Variants in PTPRO observed in about 807,000 individuals in gnomAD.
The protein encoded by PTPRO is receptor-type tyrosine-protein phosphatase O.
A neutral mutation model predicts 145.2 loss-of-function variants in PTPRO; 62 were observed. The observed-to-expected ratio is 0.43, with a 90% confidence interval of 0.35 to 0.53. The LOEUF (loss-of-function observed/expected upper bound fraction) is 0.53. Ranked by LOEUF, PTPRO falls within the 20% of genes least tolerant of loss-of-function variation. The pLI, the probability that PTPRO is intolerant of heterozygous loss-of-function variation, is 0.01. For missense variants in PTPRO, 1,345 were observed against 1,482.7 expected (o/e 0.91, Z 1.53); for synonymous variants, 565 against 514.7 (o/e 1.10, Z -1.32).
At chr12:15,583,343 G>A (rs1252962305) in intron 23 of PTPRO, among the ~76,000 whole-genome samples, 1 of 152,032 alleles carries the variant, frequency 6.6e-6, no homozygotes, top group African/African-American at 2.4e-5. Context: ...AGCTGGTGTA[G>A]TGGTACACAC....
intron 1 of PTPRO, among the ~76,000 whole-genome samples, chr12:15,413,016 C>A (rs551436381): frequency 6.6e-6 from 1 of 152,260 alleles, no homozygotes; most frequent in South Asian, 2.1e-4. Flanking sequence ...TGGTCTCGAC[C>A]TCCTGACCTG....
intron 14 of PTPRO, 73 bp downstream of exon 14, chr12:15,549,299 A>T (rs934431689): frequency 2.5e-6 from 3 of 1,193,710 alleles, no homozygotes; most frequent in African/African-American, 3.4e-5. Context: ...TTGTATCAAT[A>T]TTCCACCAAG....
At chr12:15,560,143 A>C (rs1488915623) in intron 16 of PTPRO, 50 bp from the exon 17 acceptor site, 1 of 1,360,484 alleles carries the variant, frequency 7.4e-7, no homozygotes, top group African/African-American at 1.4e-5. Context: ...TATATTACTA[A>C]CTCTTGCAAC....
At chr12:15,426,430 A>G (rs1940288280) in intron 1 of PTPRO, among the ~76,000 whole-genome samples, 1 of 152,014 alleles carries the variant, frequency 6.6e-6, no homozygotes, top group South Asian at 2.1e-4. Context: ...ATGTACTTAT[A>G]ATGAAAACTA....
intron 1 of PTPRO, among the ~76,000 whole-genome samples, chr12:15,323,897 A>G (rs565814433): frequency 1.1e-4 from 17 of 152,344 alleles, no homozygotes; most frequent in African/African-American, 4.1e-4. Flanking sequence ...GAACAGCATT[A>G]CTTTTAAATA....
Position 15,322,760 on chromosome 12 carries a change from C to T in PTPRO, c.34C>T (p.Arg12Cys), listed in dbSNP as rs758090360. The change falls in exon 1 of 27, where the codon CGC becomes TGC. Residue 12 changes from arginine to cysteine, a missense_variant. This residue lies in a region of PTPRO where 1,130 missense variants were observed against 1,214.7 expected (regional missense o/e 0.93). Coordinates refer to ENST00000281171, the MANE Select transcript of PTPRO (RefSeq NM_030667.3). The surrounding 1 kb of genome is among the most constrained non-coding windows in gnomAD (Gnocchi z 6.3). The stretch of plus-strand genomic sequence containing the variant: ...CCTGCCCACGGGGATACACGGCGCC[C>T]GCCGCCTCCTGCCTCTGCTCTGGCT... ...GHLPTGIHGARRLLPLLWLFV... is the reference protein window; with the variant it reads ...GHLPTGIHGACRLLPLLWLFV... 3 of 1,612,664 alleles carry T rather than the reference C, an allele frequency of 1.9e-6. No individual in the cohort carries two copies. The highest frequency in any genetic ancestry group is 2.2e-5 in the East Asian group (1 of 44,836).
intron 20 of PTPRO, among the ~76,000 whole-genome samples, 179 bp downstream of exon 20, chr12:15,579,122 G>A (rs1179628479): frequency 1.3e-5 from 2 of 152,168 alleles, no homozygotes; most frequent in African/African-American, 4.8e-5. Context: ...AGCATATGGA[G>A]GAAGATTTAA....
intron 1 of PTPRO, among the ~76,000 whole-genome samples, chr12:15,408,236 A>G (rs1224523985): frequency 2.6e-5 from 4 of 152,124 alleles, no homozygotes; most frequent in African/African-American, 9.7e-5. Context: ...CCACATTGGA[A>G]AAAGAAAGAT....
intron 1 of PTPRO, among the ~76,000 whole-genome samples, chr12:15,452,816 A>G (rs1941080063): frequency 6.6e-6 from 1 of 152,132 alleles, no homozygotes; most frequent in African/African-American, 2.4e-5. Context: ...TACTTTTTCT[A>G]GCTCTAAATC....
In PTPRO at chr12:15,499,426, G is replaced by A; in HGVS notation, c.509-16G>A. 6.2e-7 allele frequency: 1 copy of A among 1,609,922 alleles called. No homozygotes were observed. On this transcript the variant is annotated splice_polypyrimidine_tract_variant and intron_variant, in intron 3 of 26. Coordinates refer to ENST00000281171, the MANE Select transcript of PTPRO (RefSeq NM_030667.3). ...AGAAGACCATATTTTTCATGTAATT[G>A]ATTTTCTCTTCACAGATTTCTTTAA... is the stretch of plus-strand genomic sequence containing the variant.
rs1386250964 is a variant in PTPRO, at chr12:15,392,043, C to A, written c.75+69242C>A. Reference sequence around the variant, plus strand: ...GGCCTCTAGTAACCATTCAATTATTCTGGTTCTAAATGATGAGATATAGAC... The same window carrying A: ...GGCCTCTAGTAACCATTCAATTATTATGGTTCTAAATGATGAGATATAGAC... On this transcript the variant is annotated intron_variant, in intron 1 of 26. Transcript: ENST00000281171. Among the ~76,000 whole-genome samples, 4 of 152,208 alleles carry A rather than the reference C, an allele frequency of 2.6e-5. No homozygotes were observed. In the East Asian group the frequency reaches 7.7e-4, roughly 29 times the overall value.
chr12:15,534,516 G>A (rs954637663), intron 12 of PTPRO, among the ~76,000 whole-genome samples: 1 of 152,148 alleles, frequency 6.6e-6, no homozygotes, highest in African/African-American at 2.4e-5. Flanking sequence ...TAGTGAAGGG[G>A]AAGATGGTAA....
chr12:15,366,893 T>G (rs1432314808), intron 1 of PTPRO, among the ~76,000 whole-genome samples: 1 of 152,102 alleles, frequency 6.6e-6, no homozygotes, highest in African/African-American at 2.4e-5. Flanking sequence ...AATTAACTAT[T>G]TATTTCAAGT....
intron 25 of PTPRO, among the ~76,000 whole-genome samples, chr12:15,592,418 A>G (rs975273254): frequency 1.3e-5 from 2 of 152,158 alleles, no homozygotes; most frequent in African/African-American, 4.8e-5. Context: ...CATCACTGGT[A>G]TCTAATTTTC....
chr12:15,487,673 C>A (rs1941918311), intron 2 of PTPRO, among the ~76,000 whole-genome samples: 1 of 152,086 alleles, frequency 6.6e-6, no homozygotes, highest in African/African-American at 2.4e-5. Flanking sequence ...AAGGGGAAAG[C>A]TAGAGAGAGA....
intron 1 of PTPRO, among the ~76,000 whole-genome samples, chr12:15,454,816 A>G (rs1474653345): frequency 1.3e-5 from 2 of 152,192 alleles, no homozygotes; most frequent in African/African-American, 4.8e-5. Context: ...AGTTATCTCA[A>G]CACCATTGGT....
At chr12:15,506,201 C>G (rs1942317828) in intron 6 of PTPRO, among the ~76,000 whole-genome samples, 1 of 152,196 alleles carries the variant, frequency 6.6e-6, no homozygotes, top group South Asian at 2.1e-4. Flanking sequence ...CACTAGTACT[C>G]TTCAGAACAG....
intron 23 of PTPRO, among the ~76,000 whole-genome samples, chr12:15,583,042 G>A (rs1315923560): frequency 6.6e-6 from 1 of 152,188 alleles, no homozygotes; most frequent in Non-Finnish European, 1.5e-5. Context: ...GAATAGGAAA[G>A]TTCTCACTGA....
At chr12:15,339,670 T>A (rs1472214507) in intron 1 of PTPRO, among the ~76,000 whole-genome samples, 3 of 152,100 alleles carry the variant, frequency 2.0e-5, no homozygotes, top group Non-Finnish European at 4.4e-5. Context: ...CTCTTAGAGA[T>A]AAATGAAAAA....
Sources: gnomAD v4.1 joint callset for allele counts (sites outside exome capture counted in the v4.1 genomes callset) on GRCh38, gnomAD v4.1.1 for gene constraint, gnomAD v4.1.1 regional missense constraint, Gnocchi (gnomAD v3.1) non-coding constraint, MANE v1.5 for transcripts, NCBI Gene and HGNC (gene_info 2026-07-23, HGNC 2026-07-21) for gene names.